SDE2: variants seen among roughly 807,000 people sequenced by gnomAD.
SDE2 encodes the protein splicing regulator SDE2.
SDE2 carries 31 observed loss-of-function variants against 46.9 expected under a neutral mutation model. That is an observed-to-expected ratio of 0.66 (90% confidence interval 0.50 to 0.89). SDE2 has a LOEUF of 0.89. SDE2 is among the 40% of genes least tolerant of loss of function. The pLI, the probability that SDE2 is intolerant of heterozygous loss-of-function variation, is 0.00. For synonymous variants in SDE2, 205 were observed against 204.3 expected (o/e 1.00, Z -0.03); for missense variants, 542 against 564.4 (o/e 0.96, Z 0.40).
At chr1:225,992,744 A>G (rs540420172) in intron 3 of SDE2, 147 bp downstream of exon 3, 1 of 672,614 alleles carries the variant, frequency 1.5e-6, no homozygotes, top group Admixed American at 2.9e-5. Flanking sequence ...ATGATTATTA[A>G]ATTATGGAAA....
chr1:225,987,134 C>T (rs911684116), intron 6 of SDE2, among the ~76,000 whole-genome samples: 4 of 152,210 alleles, frequency 2.6e-5, no homozygotes, highest in African/African-American at 9.7e-5. Context: ...CCTCCACCTC[C>T]CAGGGCACAA....
chr1:225,990,089 A>AC (rs1656365482), intron 5 of SDE2, among the ~76,000 whole-genome samples: 1 of 150,072 alleles, frequency 6.7e-6, no homozygotes, highest in Non-Finnish European at 1.5e-5. Flanking sequence ...AAAAAAAAAA[A>AC]CACACACAAA....
chr1:225,990,530 G>T (rs1374914056), intron 5 of SDE2, among the ~76,000 whole-genome samples: 2 of 152,012 alleles, frequency 1.3e-5, no homozygotes, highest in Non-Finnish European at 2.9e-5. Flanking sequence ...ACCAAAAAGG[G>T]TGAATTTTGC....
chr1:225,992,611 C>T, intron 3 of SDE2, 44 bp from the exon 4 acceptor site: 2 of 1,223,932 alleles, frequency 1.6e-6, no homozygotes, highest in Non-Finnish European at 2.4e-6. Flanking sequence ...AGATATATTA[C>T]ATATACACTT....
intron 6 of SDE2, among the ~76,000 whole-genome samples, chr1:225,987,004 A>G (rs573708087): frequency 1.3e-5 from 2 of 152,340 alleles, no homozygotes; most frequent in African/African-American, 4.8e-5. Flanking sequence ...GTAGATAGTG[A>G]AAAACCAACT....
intron 2 of SDE2, 99 bp from the exon 3 acceptor site, chr1:225,993,101 T>C (rs1322452287): frequency 1.9e-6 from 1 of 514,002 alleles, no homozygotes; most frequent in Non-Finnish European, 3.4e-6. Context: ...TTAACAATGA[T>C]CTCTACTTTC....
At position 225,992,890 on chromosome 1, in the gene SDE2, C is replaced by T. The variant is rs773207384; in HGVS notation, c.350+1G>A. On this transcript the variant is annotated splice_donor_variant, in intron 3 of 6. Coordinates refer to ENST00000272091, the MANE Select transcript of SDE2 (RefSeq NM_152608.4). LOFTEE classifies it high-confidence loss of function. The stretch of plus-strand genomic sequence containing the variant: ...AACACAAAAAAAGGTGGGCATCTTA[C>T]GCTTTTTCATGATTGACATCGCGTA... The T allele has an allele frequency of 3.8e-6, 6 of 1,583,762 alleles. No homozygotes were observed. The highest frequency in any genetic ancestry group is 1.7e-5 in the Admixed American group (1 of 59,800).
At chr1:225,999,144 G>A in intron 1 of SDE2, 49 bp downstream of exon 1, 1 of 1,513,726 alleles carries the variant, frequency 6.6e-7, no homozygotes, top group Admixed American at 1.7e-5. Context: ...ACCCAGCGCT[G>A]CCACCTGTCT....
At chr1:225,995,116 G>C (rs1656492998) in intron 2 of SDE2, 150 bp downstream of exon 2, 3 of 573,944 alleles carry the variant, frequency 5.2e-6, no homozygotes, top group East Asian at 5.9e-5. Flanking sequence ...AATTCATAAG[G>C]TAAAACAATA....
chr1:225,999,239 C>T lies in SDE2; in HGVS notation c.74G>A (p.Gly25Asp). 6.2e-7 allele frequency: 1 copy of T among 1,613,440 alleles called. No individual in the cohort carries two copies. The highest frequency in any genetic ancestry group is 8.5e-7 in the Non-Finnish European group (1 of 1,179,808). ...GATAAAATCCCGGACGGTGCACCGACCCGAGGCACACCGCACCGCCTTGCA... is the reference window on the plus strand; with the variant it reads ...GATAAAATCCCGGACGGTGCACCGATCCGAGGCACACCGCACCGCCTTGCA... ...FGCKAVRCAS[G>D]RCTVRDFIHR... is the part of the protein sequence containing the mutation. Residue 25 changes from glycine (G) to aspartate (D), a missense_variant, in exon 1 of 7, where the codon GGT becomes GAT. By Grantham distance (94) the Gly-to-Asp change is moderately conservative. Coordinates refer to ENST00000272091, the MANE Select transcript of SDE2 (RefSeq NM_152608.4).
chr1:225,994,696 T>C (rs187555237), intron 2 of SDE2, among the ~76,000 whole-genome samples: 4 of 152,276 alleles, frequency 2.6e-5, no homozygotes, highest in African/African-American at 9.6e-5. Flanking sequence ...GAAAAAAAAC[T>C]CTTTATTCAG....
Position 225,987,977 on chromosome 1 carries a change from C to T in SDE2, c.1053G>A (p.Gly351=), listed in dbSNP as rs771734154. Residue 351 remains glycine (G), a synonymous_variant, in exon 6 of 7, where the codon GGG becomes GGA. Transcript: ENST00000272091. Reference sequence around the variant, plus strand: ...CAGGTGCTACCTCAGCAACTCTTTCCCCATCAGTCCTTTCTTCTGTCTCTT... The same window carrying T: ...CAGGTGCTACCTCAGCAACTCTTTCTCCATCAGTCCTTTCTTCTGTCTCTT... The part of the protein sequence containing the change: ...KDKETEERTD[G]ERVAEVAPEE... 8.1e-5 allele frequency: 130 copies of T among 1,613,994 alleles called. No individual in the cohort carries two copies. Among genetic ancestry groups the T allele is most frequent in the Non-Finnish European group, 5.1e-6 (6 of 1,179,964 alleles).
chr1:225,991,773 G>A (rs1262869621), intron 4 of SDE2, among the ~76,000 whole-genome samples: 1 of 152,192 alleles, frequency 6.6e-6, no homozygotes, highest in Non-Finnish European at 1.5e-5. Context: ...AAAAGTTAAT[G>A]AGAATCATTC....
At chr1:225,994,391 AT>A (rs1370302719) in intron 2 of SDE2, among the ~76,000 whole-genome samples, 1 of 152,212 alleles carries the variant, frequency 6.6e-6, no homozygotes, top group African/African-American at 2.4e-5. Context: ...TTCATTCTTA[AT>A]CATACAATTT....
chr1:225,992,347 A>G, intron 4 of SDE2, 51 bp downstream of exon 4: 1 of 1,431,202 alleles, frequency 7.0e-7, no homozygotes, highest in Non-Finnish European at 9.8e-7. Flanking sequence ...CAGTCTGAAC[A>G]GCTGGCTTCA....
At chr1:225,992,847 T>A in intron 3 of SDE2, 44 bp downstream of exon 3, 2 of 1,095,516 alleles carry the variant, frequency 1.8e-6, no homozygotes, top group Non-Finnish European at 2.8e-6. Context: ...AATAGGAAAG[T>A]ATATGTCTCT....
At chr1:225,992,341 C>A (rs1435927854) in intron 4 of SDE2, 57 bp downstream of exon 4, 6 of 1,364,228 alleles carry the variant, frequency 4.4e-6, no homozygotes, top group Non-Finnish European at 6.2e-6. Flanking sequence ...GTAGAGCAGT[C>A]TGAACAGCTG....
At chr1:225,990,571 T>C (rs1436737550) in intron 5 of SDE2, among the ~76,000 whole-genome samples, 5 of 152,170 alleles carry the variant, frequency 3.3e-5, no homozygotes. Context: ...ATAAACCTCA[T>C]TAAAAAAATA....
chr1:225,985,308 T>C lies in SDE2; in HGVS notation c.1350A>G (p.Lys450=). The change falls in exon 7 of 7, where the codon AAA becomes AAG. Residue 450 remains lysine (K), a synonymous_variant. Coordinates refer to ENST00000272091, the MANE Select transcript of SDE2 (RefSeq NM_152608.4). ...GAATCAGCTCTGATGATACTCATTT[T>C]TTCTTCCCTTTCAAAGGCTTGGCAA... ...ALFAKPLKGK[K]K The C allele has an allele frequency of 3.7e-6, 6 of 1,613,332 alleles. No homozygotes were observed. Among genetic ancestry groups the C allele is most frequent in the Non-Finnish European group, 5.1e-6 (6 of 1,179,204 alleles).
Sources: gnomAD v4.1 joint callset for allele counts (sites outside exome capture counted in the v4.1 genomes callset) on GRCh38, gnomAD v4.1.1 for gene constraint, MANE v1.5 for transcripts, NCBI Gene and HGNC (gene_info 2026-07-23, HGNC 2026-07-21) for gene names.